The following KIAA1217 variants were observed in gnomAD, a reference collection of about 807,000 sequenced individuals.
KIAA1217 encodes KIAA1217.
In KIAA1217, 88 loss-of-function variants were observed where a neutral mutation model predicts 163.9. The ratio of observed to expected loss-of-function variants is 0.54; its 90% confidence interval spans 0.45 to 0.64. The LOEUF (loss-of-function observed/expected upper bound fraction) is 0.64. Among genes scored for constraint, KIAA1217 ranks in the 30% least tolerant of loss-of-function variants. The pLI is 0.00. For missense variants in KIAA1217, 2,372 were observed against 2,475.0 expected, an observed-to-expected ratio of 0.96 and a Z score of 0.88; for synonymous variants, 903 against 923.1, an observed-to-expected ratio of 0.98 and a Z score of 0.39.
chr10:24,144,713 G>C (rs2064229263), intron 2 of KIAA1217, among the ~76,000 whole-genome samples: 1 of 152,202 alleles, frequency 6.6e-6, no homozygotes, highest in African/African-American at 2.4e-5. Flanking sequence ...AGGATCTGGA[G>C]TACAATGGCA....
At chr10:23,791,726 T>C (rs890436595) in intron 1 of KIAA1217, among the ~76,000 whole-genome samples, 4 of 152,222 alleles carry the variant, frequency 2.6e-5, no homozygotes, top group African/African-American at 7.2e-5. Context: ...AAGTAACATA[T>C]TGAAAAATAT....
chr10:24,530,284 A>G (rs2072925783), intron 14 of KIAA1217, among the ~76,000 whole-genome samples: 1 of 152,150 alleles, frequency 6.6e-6, no homozygotes, highest in African/African-American at 2.4e-5. Context: ...ATTTGCCTAA[A>G]TCACTTTTAA....
chr10:24,145,242 G>A (rs74505121), intron 2 of KIAA1217, among the ~76,000 whole-genome samples: 2,350 of 152,210 alleles, frequency 0.015, 26 homozygotes, highest in Middle Eastern at 0.058. Flanking sequence ...CTCAAAAATC[G>A]GGATAACAAT....
At chr10:23,956,809 C>T (rs1409715796) in intron 1 of KIAA1217, among the ~76,000 whole-genome samples, 2 of 152,102 alleles carry the variant, frequency 1.3e-5, no homozygotes, top group Non-Finnish European at 2.9e-5. Context: ...TTTTAAACAA[C>T]CAGCTCTCCC....
chr10:23,713,629 C>G (rs1392408907), intron 1 of KIAA1217, among the ~76,000 whole-genome samples: 2 of 152,054 alleles, frequency 1.3e-5, no homozygotes, highest in Non-Finnish European at 2.9e-5. Flanking sequence ...GTCTTAGGAG[C>G]CTATGTTGAT....
intron 5 of KIAA1217, among the ~76,000 whole-genome samples, chr10:24,446,401 A>AAAAAG (rs546171427): frequency 7.2e-5 from 11 of 152,148 alleles, no homozygotes; most frequent in East Asian, 1.9e-4. Flanking sequence ...TATCCATTAA[A>AAAAAG]AAAAGAAAAG....
intron 1 of KIAA1217, among the ~76,000 whole-genome samples, chr10:23,983,681 G>A (rs1045217344): frequency 6.6e-6 from 1 of 152,090 alleles, no homozygotes; most frequent in African/African-American, 2.4e-5. Context: ...ATTTGGGCAG[G>A]GACACAGATC....
At position 23,919,776 on chromosome 10, in the gene KIAA1217, C is replaced by T. The variant is rs190687239; in HGVS notation, c.-320-87449C>T. Among the ~76,000 whole-genome samples the T allele has an allele frequency of 9.2e-3, 1,407 of 152,200 alleles. 14 individuals carry two copies. The highest frequency in any genetic ancestry group is 0.016 in the Non-Finnish European group (1,071 of 68,004). The stretch of plus-strand genomic sequence containing the variant: ...GCTTTAGTTCCAAACCCTATTCTTT[C>T]GGTGCTACCCAAAGAGAGCTGACCT... On this transcript the variant is annotated intron_variant, in intron 1 of 18. Transcript: ENST00000376462.
chr10:24,155,102 T>G lies in KIAA1217; in HGVS notation c.-170-64524T>G, dbSNP rs887809016. 3.3e-5 allele frequency among the ~76,000 whole-genome samples: 5 copies of G among 152,202 alleles called. 1 individual carries two copies. In the South Asian group the frequency reaches 6.2e-4, roughly 19 times the overall value. On this transcript the variant is annotated intron_variant, in intron 2 of 18. Coordinates refer to the KIAA1217 transcript ENST00000376462. Reference sequence around the variant, plus strand: ...TGTGAAAGTACTTAAGGCACTGCACTGTACACTTAAAAATGATTACGATGA... The same window carrying G: ...TGTGAAAGTACTTAAGGCACTGCACGGTACACTTAAAAATGATTACGATGA...
Position 23,810,964 on chromosome 10 carries a change from G to T in KIAA1217, c.-321+115730G>T, listed in dbSNP as rs555801433. The stretch of plus-strand genomic sequence containing the variant: ...TAGTATATATTATATAATATATATA[G>T]TATATATTATATACTATAGTATATA... On this transcript the variant is annotated intron_variant, in intron 1 of 18. Transcript: ENST00000376462. Among the ~76,000 whole-genome samples, 652 of 108,030 alleles carry T rather than the reference G, an allele frequency of 6.0e-3. 7 individuals are homozygous for T. Among genetic ancestry groups the T allele is most frequent in the African/African-American group, 0.023 (580 of 25,478 alleles). 70.9% of individuals were successfully genotyped at this position (108,030 alleles called of 152,430 possible).
chr10:23,776,763 C>G (rs1215614128), intron 1 of KIAA1217, among the ~76,000 whole-genome samples: 1 of 147,340 alleles, frequency 6.8e-6, no homozygotes, highest in Non-Finnish European at 1.5e-5. Context: ...TCACTGCAAC[C>G]TCTGCCTCCT....
chr10:23,810,836 T>G (rs1282782113), intron 1 of KIAA1217, among the ~76,000 whole-genome samples: 34 of 123,012 alleles, frequency 2.8e-4, no homozygotes, highest in Non-Finnish European at 4.3e-4. Context: ...ATACTATATA[T>G]TATATGGTAT....
chr10:24,370,395 C>T lies in KIAA1217; in HGVS notation c.355-10474C>T, dbSNP rs557808016. On this transcript the variant is annotated intron_variant, in intron 2 of 20. Transcript: ENST00000376454. ...ATGATTAGCTTGGACATTAAATTTA[C>T]TTTCAAGCTTCCTGACATACATGAT... 2.4e-3 allele frequency among the ~76,000 whole-genome samples: 359 copies of T among 151,724 alleles called. 1 individual carries two copies. In the Middle Eastern group the frequency reaches 0.034, roughly 14 times the overall value.
intron 3 of KIAA1217, among the ~76,000 whole-genome samples, chr10:24,414,710 A>G (rs1041371809): frequency 1.3e-5 from 2 of 151,704 alleles, no homozygotes; most frequent in African/African-American, 4.9e-5. Flanking sequence ...GTCCTTGCGG[A>G]CTCGCCCCAC....
rs372521848 is a variant in KIAA1217, at chr10:24,160,240, T to TA, written c.-170-59384dup. ...ATTTTGATATCATTTAAAAAGCATT[T>TA]AATAATATCTTGTCAATTTCTACAA... On this transcript the variant is annotated intron_variant, in intron 2 of 18. Coordinates refer to the KIAA1217 transcript ENST00000376462. Among the ~76,000 whole-genome samples, 460 of 152,276 alleles carry TA rather than the reference T, an allele frequency of 3.0e-3. 1 individual carries two copies. Among genetic ancestry groups the TA allele is most frequent in the African/African-American group, 0.01 (435 of 41,518 alleles).
intron 2 of KIAA1217, among the ~76,000 whole-genome samples, chr10:24,178,651 G>A (rs2066021884): frequency 1.3e-5 from 2 of 152,196 alleles, no homozygotes; most frequent in South Asian, 4.1e-4. Flanking sequence ...CTCTTCTTAT[G>A]TTAACTGAGT....
chr10:24,533,068 A>T lies in KIAA1217; in HGVS notation c.3247-2A>T, dbSNP rs1365712455. On this transcript the variant is annotated splice_acceptor_variant, in intron 15 of 20. Coordinates refer to ENST00000376454, the MANE Select transcript of KIAA1217 (RefSeq NM_019590.5). LOFTEE classifies it high-confidence loss of function. Reference sequence around the variant, plus strand: ...ACTATCTGTTGTTTCAATCTCCCACAGGCAAGCAGTGAAGATGCTGGACCA... The same window carrying T: ...ACTATCTGTTGTTTCAATCTCCCACTGGCAAGCAGTGAAGATGCTGGACCA... The T allele has an allele frequency of 6.2e-7, 1 of 1,604,326 alleles. No homozygotes were observed. Among genetic ancestry groups the T allele is most frequent in the African/African-American group, 1.3e-5 (1 of 74,614 alleles).
At chr10:24,241,819 G>C (rs974072169) in intron 2 of KIAA1217, among the ~76,000 whole-genome samples, 17 of 152,196 alleles carry the variant, frequency 1.1e-4, no homozygotes, top group African/African-American at 3.9e-4. Flanking sequence ...TCATTCCAGG[G>C]TTTTCTTAAC....
At chr10:23,851,730 T>C (rs1839339679) in intron 1 of KIAA1217, among the ~76,000 whole-genome samples, 1 of 152,214 alleles carries the variant, frequency 6.6e-6, no homozygotes, top group African/African-American at 2.4e-5. Context: ...TGGTATCTCA[T>C]TGTGGTTTTG....
Sources: allele counts gnomAD v4.1 joint callset (sites outside exome capture counted in the v4.1 genomes callset), GRCh38; gene constraint gnomAD v4.1.1; transcripts MANE v1.5; gene names NCBI Gene and HGNC (gene_info 2026-07-23, HGNC 2026-07-21).